The following PITPNC1 variants were observed in gnomAD, a reference collection of about 807,000 sequenced individuals.
The protein encoded by PITPNC1 is cytoplasmic phosphatidylinositol transfer protein 1.
PITPNC1 carries 18 observed loss-of-function variants against 44.7 expected under a neutral mutation model. The observed-to-expected ratio is 0.40, with a 90% CI of 0.28 to 0.60. The LOEUF (loss-of-function observed/expected upper bound fraction) is 0.60, where lower values mean the gene tolerates loss of function less well. Ranked by LOEUF, PITPNC1 falls within the 20% of genes least tolerant of loss-of-function variation. PITPNC1 has a pLI of 0.39. For missense variants in PITPNC1, 290 were observed against 418.4 expected, an observed-to-expected ratio of 0.69 and a Z score of 2.68; for synonymous variants, 141 against 149.6, an observed-to-expected ratio of 0.94 and a Z score of 0.42.
chr17:67,550,018 G>T (rs1157767963), intron 2 of PITPNC1, among the ~76,000 whole-genome samples: 1 of 152,124 alleles, frequency 6.6e-6, no homozygotes, highest in Non-Finnish European at 1.5e-5. Flanking sequence ...TTTCCTGCAC[G>T]CGAGCCAGTG....
chr17:67,548,004 C>T (rs75047794), intron 2 of PITPNC1, among the ~76,000 whole-genome samples: 6,042 of 152,156 alleles, frequency 0.04, 214 homozygotes, highest in African/African-American at 0.089. Flanking sequence ...TGAGCCGCAC[C>T]CTGGGCCTCT....
intron 1 of PITPNC1, among the ~76,000 whole-genome samples, chr17:67,432,149 G>C (rs2038865377): frequency 6.6e-6 from 1 of 152,166 alleles, no homozygotes. Flanking sequence ...CAAACTTTTG[G>C]CTTCCTTGGG....
At chr17:67,659,255 T>G (rs902033738) in intron 6 of PITPNC1, among the ~76,000 whole-genome samples, 4 of 152,186 alleles carry the variant, frequency 2.6e-5, no homozygotes, top group Non-Finnish European at 4.4e-5. Context: ...GAGAGTGCAT[T>G]GTTTCTCACA....
intron 4 of PITPNC1, among the ~76,000 whole-genome samples, chr17:67,568,623 C>T (rs1009669761): frequency 6.6e-6 from 1 of 151,912 alleles, no homozygotes; most frequent in African/African-American, 2.4e-5. Context: ...AACTCCTGGG[C>T]TCAAGTGATC....
chr17:67,410,687 C>T (rs889445743), intron 1 of PITPNC1, among the ~76,000 whole-genome samples: 1 of 151,932 alleles, frequency 6.6e-6, no homozygotes. Context: ...ACCGCACGGG[C>T]CTGGTGAAGG....
chr17:67,468,766 G>A (rs951486050), intron 1 of PITPNC1, among the ~76,000 whole-genome samples: 7 of 151,068 alleles, frequency 4.6e-5, no homozygotes, highest in East Asian at 2.0e-4. Context: ...GCACTATCTC[G>A]GCTCACTGCA....
At chr17:67,607,961 C>T (rs1396868452) in intron 5 of PITPNC1, among the ~76,000 whole-genome samples, 1 of 152,006 alleles carries the variant, frequency 6.6e-6, no homozygotes, top group Non-Finnish European at 1.5e-5. Context: ...AACTCTTGAC[C>T]TCAGGCGATT....
At chr17:67,383,765 G>A (rs34752018) in intron 1 of PITPNC1, among the ~76,000 whole-genome samples, 5 of 152,308 alleles carry the variant, frequency 3.3e-5, no homozygotes, top group Admixed American at 2.6e-4. Flanking sequence ...CTGGCCAGGC[G>A]CGGTGGCTCA....
chr17:67,500,511 C>G (rs1028297374), intron 1 of PITPNC1, among the ~76,000 whole-genome samples: 8 of 151,926 alleles, frequency 5.3e-5, no homozygotes, highest in African/African-American at 1.9e-4. Flanking sequence ...CTTATGGGCA[C>G]CAGGTTTCTT....
At chr17:67,403,405 G>C (rs1177859783) in intron 1 of PITPNC1, among the ~76,000 whole-genome samples, 1 of 152,124 alleles carries the variant, frequency 6.6e-6, no homozygotes. Context: ...AACAGTTTAA[G>C]ATTATAATTT....
intron 1 of PITPNC1, among the ~76,000 whole-genome samples, chr17:67,456,754 G>A (rs556085931): frequency 1.4e-4 from 21 of 151,892 alleles, no homozygotes; most frequent in African/African-American, 4.3e-4. Context: ...TTATTTACTA[G>A]GGTCTTTACT....
intron 1 of PITPNC1, among the ~76,000 whole-genome samples, chr17:67,397,693 C>G (rs1296134183): frequency 6.6e-6 from 1 of 152,172 alleles, no homozygotes; most frequent in African/African-American, 2.4e-5. Flanking sequence ...TCAAGACACA[C>G]GTTTGGGTGT....
chr17:67,420,630 C>T (rs1567982874), intron 1 of PITPNC1, among the ~76,000 whole-genome samples: 2 of 151,988 alleles, frequency 1.3e-5, no homozygotes, highest in Non-Finnish European at 2.9e-5. Flanking sequence ...CGGGGTTTTG[C>T]TATGTTGGCC....
chr17:67,664,258 C>G (rs998329391), intron 6 of PITPNC1, among the ~76,000 whole-genome samples: 1 of 152,192 alleles, frequency 6.6e-6, no homozygotes, highest in African/African-American at 2.4e-5. Flanking sequence ...AGCCACTGCA[C>G]CTGGCCTCAT....
intron 6 of PITPNC1, among the ~76,000 whole-genome samples, chr17:67,647,010 T>C (rs536672138): frequency 2.0e-4 from 31 of 152,310 alleles, no homozygotes; most frequent in Admixed American, 2.0e-4. Flanking sequence ...ACTGTTGTCT[T>C]TGGAAATCAC....
At chr17:67,476,475 C>G (rs922132704) in intron 1 of PITPNC1, among the ~76,000 whole-genome samples, 7 of 151,990 alleles carry the variant, frequency 4.6e-5, no homozygotes, top group African/African-American at 9.7e-5. Flanking sequence ...TGTTACCCAC[C>G]ACGCCCGGCC....
At chr17:67,615,083 G>A (rs1448898731) in intron 5 of PITPNC1, among the ~76,000 whole-genome samples, 1 of 152,148 alleles carries the variant, frequency 6.6e-6, no homozygotes, top group African/African-American at 2.4e-5. Flanking sequence ...CGTGCCTGGA[G>A]GGTTCCTTCT....
At chr17:67,493,174 T>C (rs1375018413) in intron 1 of PITPNC1, among the ~76,000 whole-genome samples, 1 of 152,224 alleles carries the variant, frequency 6.6e-6, no homozygotes, top group Non-Finnish European at 1.5e-5. Flanking sequence ...GGCTATTTTA[T>C]AAGGTCCAAA....
chr17:67,532,531 C>T (rs757744357), intron 1 of PITPNC1, among the ~76,000 whole-genome samples: 1 of 152,182 alleles, frequency 6.6e-6, no homozygotes, highest in African/African-American at 2.4e-5. Context: ...AAGGTTTGGT[C>T]AGCTGCCAAA....
Sources: gnomAD v4.1 joint callset for allele counts (sites outside exome capture counted in the v4.1 genomes callset) on GRCh38, gnomAD v4.1.1 for gene constraint, MANE v1.5 for transcripts, NCBI Gene and HGNC (gene_info 2026-07-23, HGNC 2026-07-21) for gene names.